The following NAV3 variants were observed in gnomAD, a reference collection of about 807,000 sequenced individuals.
NAV3 encodes neuron navigator 3.
In NAV3, 87 loss-of-function variants were observed where a neutral mutation model predicts 244.7. The observed-to-expected ratio is 0.36, with a 90% CI of 0.30 to 0.42. The LOEUF (loss-of-function observed/expected upper bound fraction) is 0.42, where lower values mean the gene tolerates loss of function less well. Among genes scored for constraint, NAV3 ranks in the 20% least tolerant of loss-of-function variants. The pLI is 1.00. For missense variants in NAV3, 2,663 were observed against 2,893.3 expected (o/e 0.92, Z 1.83); for synonymous variants, 1,126 against 1,042.2 (o/e 1.08, Z -1.55).
chr12:77,868,331 A>G (rs972401625), intron 1 of NAV3, among the ~76,000 whole-genome samples: 2 of 152,136 alleles, frequency 1.3e-5, no homozygotes, highest in African/African-American at 4.8e-5. Context: ...ATAATAACGT[A>G]TGTTATTCTA....
At chr12:77,749,159 T>C (rs1486174754) in intron 2 of NAV3, among the ~76,000 whole-genome samples, 2 of 152,144 alleles carry the variant, frequency 1.3e-5, no homozygotes, top group African/African-American at 4.8e-5. Context: ...ACTGGAAAGA[T>C]GTGTTATTGT....
intron 31 of NAV3, 136 bp from the exon 32 acceptor site, chr12:78,188,112 T>A (rs300514): frequency 6.4e-6 from 4 of 629,236 alleles, no homozygotes; most frequent in South Asian, 2.1e-5. Flanking sequence ...CATGTGTGTC[T>A]GTTACTATAG....
chr12:78,064,682 G>A (rs562603690), intron 12 of NAV3, among the ~76,000 whole-genome samples: 13 of 152,166 alleles, frequency 8.5e-5, no homozygotes, highest in African/African-American at 3.1e-4. Flanking sequence ...CTCCCAGGTG[G>A]ATATGTCCTT....
intron 1 of NAV3, among the ~76,000 whole-genome samples, chr12:77,834,678 T>G (rs963619550): frequency 6.6e-6 from 1 of 152,200 alleles, no homozygotes; most frequent in Non-Finnish European, 1.5e-5. Context: ...GGTTGATCTC[T>G]TTGGTTAGCA....
intron 1 of NAV3, among the ~76,000 whole-genome samples, chr12:77,887,997 C>T (rs1284276463): frequency 6.8e-6 from 1 of 146,148 alleles, no homozygotes; most frequent in African/African-American, 2.5e-5. Flanking sequence ...AACAATAAAG[C>T]GTATCTAAAG....
intron 1 of NAV3, among the ~76,000 whole-genome samples, chr12:77,858,316 T>A (rs1194596470): frequency 6.6e-6 from 1 of 151,970 alleles, no homozygotes; most frequent in Non-Finnish European, 1.5e-5. Flanking sequence ...TAAGCGGAAT[T>A]GGGTTCCATG....
chr12:78,069,139 T>G (rs549077861), intron 12 of NAV3, among the ~76,000 whole-genome samples: 207 of 152,158 alleles, frequency 1.4e-3, no homozygotes, highest in Non-Finnish European at 2.6e-3. Context: ...TGGGTTCCAT[T>G]TATATTTTTT....
intron 2 of NAV3, among the ~76,000 whole-genome samples, chr12:77,822,567 A>G (rs1872789994): frequency 6.6e-6 from 1 of 152,196 alleles, no homozygotes; most frequent in Non-Finnish European, 1.5e-5. Context: ...ATGTGTTAGA[A>G]GCCAGGTCTG....
At chr12:77,744,517 T>C (rs777058957) in intron 2 of NAV3, among the ~76,000 whole-genome samples, 4 of 151,956 alleles carry the variant, frequency 2.6e-5, no homozygotes, top group East Asian at 1.9e-4. Context: ...ATCTACCCGA[T>C]GGAAAATTGT....
At chr12:77,735,227 T>G (rs1376080737) in intron 2 of NAV3, among the ~76,000 whole-genome samples, 1 of 152,140 alleles carries the variant, frequency 6.6e-6, no homozygotes, top group African/African-American at 2.4e-5. Context: ...AGATACATAT[T>G]GAAAATGAGT....
intron 2 of NAV3, among the ~76,000 whole-genome samples, chr12:77,672,081 A>G (rs1326164506): frequency 6.6e-6 from 1 of 152,170 alleles, no homozygotes; most frequent in African/African-American, 2.4e-5. Context: ...CAATCCCATC[A>G]AAAAATGGGC....
At position 78,129,964 on chromosome 12, in the gene NAV3, A is replaced by G. The variant is rs140651350; in HGVS notation, c.4441+1098A>G. Among the ~76,000 whole-genome samples the G allele has an allele frequency of 6.0e-3, 917 of 152,320 alleles. 18 individuals are homozygous for G. The highest frequency in any genetic ancestry group is 0.021 in the African/African-American group (872 of 41,576). On this transcript the variant is annotated intron_variant, in intron 18 of 39. Coordinates refer to ENST00000397909, the MANE Select transcript of NAV3 (RefSeq NM_001024383.2). ...CAAAACCTTATATTTTCTAAACTTC[A>G]AGTTAATCATCAACTTCTCTTAGAT...
At chr12:77,660,575 A>G (rs1046101008) in intron 2 of NAV3, among the ~76,000 whole-genome samples, 1 of 152,148 alleles carries the variant, frequency 6.6e-6, no homozygotes, top group African/African-American at 2.4e-5. Context: ...TTAGTTTACA[A>G]GTTAATAATT....
At chr12:78,005,117 G>A (rs987128806) in intron 7 of NAV3, among the ~76,000 whole-genome samples, 3 of 151,900 alleles carry the variant, frequency 2.0e-5, no homozygotes, top group South Asian at 2.1e-4. Context: ...CAACCCCACC[G>A]AAGCTCCCAG....
chr12:77,711,312 G>C (rs1335282617), intron 2 of NAV3, among the ~76,000 whole-genome samples: 2 of 152,180 alleles, frequency 1.3e-5, no homozygotes, highest in Non-Finnish European at 2.9e-5. Flanking sequence ...GGCTTTTTCT[G>C]CTTATGGCCC....
At chr12:77,790,092 GCTTACACTACCAGTAATAAGCCT>G (rs1871117874) in intron 2 of NAV3, among the ~76,000 whole-genome samples, 1 of 152,136 alleles carries the variant, frequency 6.6e-6, no homozygotes, top group Non-Finnish European at 1.5e-5. Flanking sequence ...CACCACAGCA[GCTTACACTACCAGTAATAAGCCT>G]CTTACACTAC....
In NAV3 at chr12:77,765,356, G is replaced by A. The variant is rs1869686293; in HGVS notation, c.73-174963G>A. Among the ~76,000 whole-genome samples the A allele has an allele frequency of 2.0e-5, 3 of 152,152 alleles. No individual in the cohort carries two copies. In the South Asian group the frequency reaches 6.2e-4, roughly 32 times the overall value. On this transcript the variant is annotated intron_variant, in intron 2 of 8. Transcript: ENST00000550042. ...TGTGAAAGGATCCCCTGAAATCTAG[G>A]TACCATGCCAGTTACATATGCTATG...
intron 38 of NAV3, among the ~76,000 whole-genome samples, chr12:78,203,463 A>G (rs1290009666): frequency 1.3e-5 from 2 of 152,154 alleles, no homozygotes; most frequent in Admixed American, 1.3e-4. Flanking sequence ...AAAAAGTATA[A>G]TGATTGTACC....
At chr12:77,705,557 A>G (rs1875756945) in intron 2 of NAV3, among the ~76,000 whole-genome samples, 1 of 151,490 alleles carries the variant, frequency 6.6e-6, no homozygotes, top group South Asian at 2.1e-4. Flanking sequence ...ATTTTTTGGC[A>G]TTGCCTTCCA....
Sources: allele counts gnomAD v4.1 joint callset (sites outside exome capture counted in the v4.1 genomes callset), GRCh38; gene constraint gnomAD v4.1.1; transcripts MANE v1.5; gene names NCBI Gene and HGNC (gene_info 2026-07-23, HGNC 2026-07-21).